The following PCDHGA1 variants were observed in gnomAD, a reference collection of about 807,000 sequenced individuals.
PCDHGA1 encodes protocadherin gamma-A1.
A neutral mutation model predicts 58.0 loss-of-function variants in PCDHGA1; 32 were observed. The ratio of observed to expected loss-of-function variants is 0.55; its 90% confidence interval spans 0.42 to 0.74. The LOEUF is 0.74. Ranked by LOEUF, PCDHGA1 falls within the 30% of genes least tolerant of loss-of-function variation. The probability of loss-of-function intolerance (pLI) is 0.00; values close to 1 mark genes in which losing one functional copy is unlikely to be tolerated. For missense variants in PCDHGA1, 1,205 were observed against 1,182.3 expected (o/e 1.02, Z -0.28); for synonymous variants, 498 against 501.1 (o/e 0.99, Z 0.08).
chr5:141,418,906 C>T, intron 1 of PCDHGA1: 1 of 1,613,908 alleles, frequency 6.2e-7, no homozygotes, highest in Non-Finnish European at 8.5e-7. Flanking sequence ...AAATAATCAT[C>T]ACGTCACTCT....
intron 1 of PCDHGA1, chr5:141,403,123 G>A: frequency 6.2e-7 from 1 of 1,614,066 alleles, no homozygotes; most frequent in Non-Finnish European, 8.5e-7. Context: ...TGGAGCCCCG[G>A]GAGCTGGCGG....
chr5:141,415,772 T>TC, intron 1 of PCDHGA1: 1 of 1,332,986 alleles, frequency 7.5e-7, no homozygotes. Context: ...TTTTTTTTTT[T>TC]ACTTTCTGGT....
intron 1 of PCDHGA1, chr5:141,352,709 G>C (rs768287553): frequency 1.9e-6 from 3 of 1,543,562 alleles, no homozygotes; most frequent in East Asian, 4.9e-5. Context: ...ATATATGGCG[G>C]CCGGGCGCGG....
At chr5:141,437,040 C>G (rs188070264) in intron 1 of PCDHGA1, among the ~76,000 whole-genome samples, 1 of 152,266 alleles carries the variant, frequency 6.6e-6, no homozygotes, top group African/African-American at 2.4e-5. Flanking sequence ...ATCACCGAAA[C>G]CAGAAGGCTG....
At position 141,393,784 on chromosome 5, in the gene PCDHGA1, T is replaced by A. The variant is rs1554094164; in HGVS notation, c.2421+60679T>A. 3 of 1,613,864 alleles carry A rather than the reference T, an allele frequency of 1.9e-6. No homozygotes were observed. The South Asian group carries it at 3.3e-5, about 18-fold the overall frequency. ...GAAATGGAAATACAAGCCGAAGATG[T>A]GGGGGCACTTCTGGGGAGGACCAAA... On this transcript the variant is annotated intron_variant, in intron 1 of 3. Coordinates refer to ENST00000517417, the MANE Select transcript of PCDHGA1 (RefSeq NM_018912.3).
chr5:141,370,283 A>G (rs1275076013), intron 1 of PCDHGA1: 2 of 944,824 alleles, frequency 2.1e-6, no homozygotes, highest in Non-Finnish European at 3.1e-6. Flanking sequence ...CACCCATTAG[A>G]GAACCCAAGC....
At position 141,409,389 on chromosome 5, in the gene PCDHGA1, C is replaced by G; in HGVS notation, c.2421+76284C>G. On this transcript the variant is annotated intron_variant, in intron 1 of 3. Transcript: ENST00000517417. ...ACAGACATTCCATTCAAGATTTATT[C>G]TTCTTCCAATAACTACTACAAACTG... 6.2e-7 allele frequency: 1 copy of G among 1,614,006 alleles called. No homozygotes were observed. Among genetic ancestry groups the G allele is most frequent in the Admixed American group, 1.7e-5 (1 of 60,020 alleles).
At chr5:141,356,760 C>A (rs1173704471) in intron 1 of PCDHGA1, 1 of 1,613,850 alleles carries the variant, frequency 6.2e-7, no homozygotes, top group South Asian at 1.1e-5. Context: ...TTTGCTCCTT[C>A]GACTATGAGC....
intron 1 of PCDHGA1, among the ~76,000 whole-genome samples, chr5:141,484,752 A>G (rs181317421): frequency 6.6e-5 from 10 of 151,098 alleles, no homozygotes; most frequent in Admixed American, 3.3e-4. Context: ...AAAAAAATGT[A>G]TATATATATA....
chr5:141,395,115 C>T (rs1380601635), intron 1 of PCDHGA1: 1 of 1,614,192 alleles, frequency 6.2e-7, no homozygotes. Context: ...GAAGAGTCAC[C>T]TGATCTTTCC....
At chr5:141,454,697 T>A (rs768850161) in intron 1 of PCDHGA1, among the ~76,000 whole-genome samples, 14 of 150,312 alleles carry the variant, frequency 9.3e-5, no homozygotes, top group African/African-American at 3.4e-4. Flanking sequence ...TGAGCCACCA[T>A]GCTCCACCTG....
intron 1 of PCDHGA1, chr5:141,355,438 C>A (rs1313057434): frequency 2.5e-6 from 4 of 1,613,966 alleles, no homozygotes; most frequent in African/African-American, 1.3e-5. Context: ...CCTGAACCCG[C>A]GCAGCGGCAC....
At chr5:141,461,312 C>T (rs1318872213) in intron 1 of PCDHGA1, among the ~76,000 whole-genome samples, 1 of 152,064 alleles carries the variant, frequency 6.6e-6, no homozygotes, top group African/African-American at 2.4e-5. Flanking sequence ...TGTTTTTTGA[C>T]TTTTTAATAA....
At chr5:141,398,729 A>T in intron 1 of PCDHGA1, 1 of 1,613,820 alleles carries the variant, frequency 6.2e-7, no homozygotes, top group Non-Finnish European at 8.5e-7. Flanking sequence ...AAAACCTTAG[A>T]CCGGGAACAA....
At chr5:141,447,433 C>T (rs756021616) in intron 1 of PCDHGA1, among the ~76,000 whole-genome samples, 5 of 152,118 alleles carry the variant, frequency 3.3e-5, no homozygotes, top group African/African-American at 7.2e-5. Context: ...CCACCGCACC[C>T]GGAGGAAATT....
intron 1 of PCDHGA1, chr5:141,350,434 G>A (rs1758473968): frequency 6.2e-7 from 1 of 1,610,710 alleles, no homozygotes; most frequent in East Asian, 2.2e-5. Flanking sequence ...GTGTCCGGGA[G>A]TTGCCAACTC....
intron 1 of PCDHGA1, among the ~76,000 whole-genome samples, chr5:141,369,378 T>A (rs866878162): frequency 6.6e-6 from 1 of 151,988 alleles, no homozygotes; most frequent in Admixed American, 6.6e-5. Context: ...TTTGTAAAAG[T>A]TTTTCATTTG....
chr5:141,339,352 C>A (rs750765335), intron 1 of PCDHGA1: 3 of 1,614,048 alleles, frequency 1.9e-6, no homozygotes, highest in East Asian at 2.2e-5. Flanking sequence ...CAGATATTAA[C>A]GATAATGCCC....
intron 1 of PCDHGA1, among the ~76,000 whole-genome samples, chr5:141,461,181 A>T (rs1322465700): frequency 1.3e-5 from 2 of 152,104 alleles, no homozygotes; most frequent in Non-Finnish European, 2.9e-5. Flanking sequence ...ATTGAATGGT[A>T]GATCTGTTTT....
Sources: allele counts gnomAD v4.1 joint callset (sites outside exome capture counted in the v4.1 genomes callset), GRCh38; gene constraint gnomAD v4.1.1; transcripts MANE v1.5; gene names NCBI Gene and HGNC (gene_info 2026-07-23, HGNC 2026-07-21).